The following MYOF variants were observed in gnomAD, a reference collection of about 807,000 sequenced individuals.
MYOF encodes myoferlin.
MYOF carries 244 observed loss-of-function variants against 284.2 expected under a neutral mutation model. The ratio of observed to expected loss-of-function variants is 0.86; its 90% CI spans 0.77 to 0.95. MYOF has a LOEUF of 0.95. Ranked by LOEUF, MYOF falls within the 40% of genes least tolerant of loss-of-function variation. The pLI is 0.00. For missense variants in MYOF, 2,496 were observed against 2,560.6 expected (o/e 0.97, Z 0.54); for synonymous variants, 904 against 919.7 (o/e 0.98, Z 0.31).
At chr10:93,408,113 C>T (rs113986620) in intron 7 of MYOF, among the ~76,000 whole-genome samples, 1,785 of 152,220 alleles carry the variant, frequency 0.012, 38 homozygotes, top group African/African-American at 0.041. Flanking sequence ...GGCTCAAGCA[C>T]TCCTCCCGTC....
intron 5 of MYOF, among the ~76,000 whole-genome samples, chr10:93,411,423 C>T (rs78311803): frequency 0.012 from 1,809 of 152,288 alleles, 36 homozygotes; most frequent in African/African-American, 0.042. Context: ...GCTCTGGCCC[C>T]GTGACCTAAT....
chr10:93,379,104 C>T (rs1845995763), intron 21 of MYOF, among the ~76,000 whole-genome samples: 1 of 152,048 alleles, frequency 6.6e-6, no homozygotes, highest in Non-Finnish European at 1.5e-5. Flanking sequence ...GTCAACTAGA[C>T]AGATAATCAC....
At chr10:93,393,965 GT>G (rs1220046746) in intron 16 of MYOF, among the ~76,000 whole-genome samples, 3 of 152,214 alleles carry the variant, frequency 2.0e-5, no homozygotes, top group Non-Finnish European at 2.9e-5. Flanking sequence ...GGAAAGGTCT[GT>G]GATTACATTT....
chr10:93,324,861 C>A (rs962444907), intron 46 of MYOF, among the ~76,000 whole-genome samples: 3 of 152,012 alleles, frequency 2.0e-5, no homozygotes, highest in Non-Finnish European at 4.4e-5. Context: ...CTCACTGCAA[C>A]CTCCACCTCC....
At chr10:93,422,003 C>T (rs947770902) in intron 5 of MYOF, among the ~76,000 whole-genome samples, 4 of 122,196 alleles carry the variant, frequency 3.3e-5, no homozygotes, top group Non-Finnish European at 6.7e-5. Context: ...CACAGAATGC[C>T]ACCTTTGACC....
intron 53 of MYOF, among the ~76,000 whole-genome samples, 188 bp from the exon 54 acceptor site, chr10:93,307,189 C>A (rs1034388689): frequency 2.0e-5 from 2 of 100,166 alleles, no homozygotes; most frequent in African/African-American, 6.0e-5. Context: ...GCCAGTAGCA[C>A]CCCCCCGCCA....
chr10:93,354,697 CTCTCTT>C (rs962804516), intron 31 of MYOF, among the ~76,000 whole-genome samples: 10 of 151,654 alleles, frequency 6.6e-5, no homozygotes, highest in African/African-American at 9.7e-5. Context: ...CTCTCTCTCT[CTCTCTT>C]TGTGAGATAG....
intron 7 of MYOF, among the ~76,000 whole-genome samples, chr10:93,407,132 C>G (rs575571238): frequency 1.3e-5 from 2 of 152,090 alleles, no homozygotes; most frequent in Non-Finnish European, 2.9e-5. Flanking sequence ...AGGCTAAGTT[C>G]TCAGTATGGG....
intron 4 of MYOF, among the ~76,000 whole-genome samples, chr10:93,431,099 G>A: frequency 6.7e-6 from 1 of 149,528 alleles, no homozygotes; most frequent in East Asian, 2.0e-4. Flanking sequence ...CATGATCTCG[G>A]CTCACTACAA....
rs756981691 is a variant in MYOF at position 93,404,048 on chromosome 10, G to T, written c.818C>A (p.Ala273Glu). ...IRVYNSHSLR[A>E]DCLMGEFKID... Reference sequence around the variant, plus strand: ...CTTAAATTCCCCCATCAGACAATCTGCCCGCAGAGAGTGAGAATTATAAAC... The same window carrying T: ...CTTAAATTCCCCCATCAGACAATCTTCCCGCAGAGAGTGAGAATTATAAAC... Residue 273 changes from alanine to glutamate, a missense_variant, in exon 9 of 54, where the codon GCA (alanine) becomes GAA (glutamate). Transcript: ENST00000359263. 80 of 1,613,976 alleles carry T rather than the reference G, an allele frequency of 5.0e-5. No individual in the cohort carries two copies. The highest frequency in any genetic ancestry group is 1.3e-4 in the South Asian group (12 of 91,074).
chr10:93,314,180 C>T (rs962329559), intron 50 of MYOF, among the ~76,000 whole-genome samples: 1 of 152,156 alleles, frequency 6.6e-6, no homozygotes, highest in Admixed American at 6.5e-5. Context: ...CCTCCGCCTA[C>T]TGGGTTCAAG....
At chr10:93,411,008 T>C (rs1433090028) in intron 5 of MYOF, among the ~76,000 whole-genome samples, 2 of 152,256 alleles carry the variant, frequency 1.3e-5, no homozygotes, top group African/African-American at 4.8e-5. Flanking sequence ...TTCAGTTTCT[T>C]CATTTGTAAA....
chr10:93,380,873 TAAGA>T (rs1485547317), intron 20 of MYOF, among the ~76,000 whole-genome samples: 1 of 152,200 alleles, frequency 6.6e-6, no homozygotes, highest in Non-Finnish European at 1.5e-5. Context: ...CTACTCAGCC[TAAGA>T]AAGATTTGGG....
chr10:93,404,326 T>C, intron 7 of MYOF, 107 bp from the exon 8 acceptor site: 1 of 1,167,044 alleles, frequency 8.6e-7, no homozygotes, highest in South Asian at 1.4e-5. Context: ...AAACACAAAT[T>C]CAAAATTAGG....
chr10:93,425,285 G>C (rs1848533731), intron 5 of MYOF, among the ~76,000 whole-genome samples: 1 of 152,090 alleles, frequency 6.6e-6, no homozygotes. Context: ...GTGAGATAAG[G>C]GGCCCCTCCC....
chr10:93,474,958 A>C (rs1486158852), intron 1 of MYOF, among the ~76,000 whole-genome samples: 1 of 152,180 alleles, frequency 6.6e-6, no homozygotes. Context: ...CATGCTGGCC[A>C]GGCTGGTCTT....
At chr10:93,445,885 G>A (rs887477590) in intron 3 of MYOF, among the ~76,000 whole-genome samples, 1 of 152,176 alleles carries the variant, frequency 6.6e-6, no homozygotes, top group Non-Finnish European at 1.5e-5. Flanking sequence ...TGAGGGAAGC[G>A]GTCCCACACT....
At chr10:93,473,752 C>T (rs935728689) in intron 1 of MYOF, among the ~76,000 whole-genome samples, 52 of 152,188 alleles carry the variant, frequency 3.4e-4, no homozygotes, top group African/African-American at 1.2e-3. Context: ...TGAACCATGA[C>T]TCCCTATCCT....
chr10:93,320,700 T>C (rs1199149316), intron 48 of MYOF, among the ~76,000 whole-genome samples: 1 of 152,124 alleles, frequency 6.6e-6, no homozygotes, highest in Non-Finnish European at 1.5e-5. Context: ...AATGAATGAG[T>C]GTGCCCAGAA....
Sources: allele counts gnomAD v4.1 joint callset (sites outside exome capture counted in the v4.1 genomes callset), GRCh38; gene constraint gnomAD v4.1.1; transcripts MANE v1.5; gene names NCBI Gene and HGNC (gene_info 2026-07-23, HGNC 2026-07-21).